The following PCDHGA6 variants were observed in gnomAD, a reference collection of about 807,000 sequenced individuals.
PCDHGA6 encodes the protein protocadherin gamma subfamily A, 6.
A neutral mutation model predicts 60.6 loss-of-function variants in PCDHGA6; 41 were observed. That is an observed-to-expected ratio of 0.68 (90% CI 0.53 to 0.88). The LOEUF (loss-of-function observed/expected upper bound fraction) is 0.88. Among genes scored for constraint, PCDHGA6 ranks in the 40% least tolerant of loss-of-function variants. The pLI, the probability that PCDHGA6 is intolerant of heterozygous loss-of-function variation, is 0.00. For missense variants in PCDHGA6, 1,312 were observed against 1,203.0 expected (o/e 1.09, Z -1.34); for synonymous variants, 594 against 524.4 (o/e 1.13, Z -1.81).
chr5:141,421,634 A>G (rs771759412), intron 1 of PCDHGA6: 12 of 1,613,714 alleles, frequency 7.4e-6, no homozygotes, highest in South Asian at 1.1e-5. Context: ...AGCTTCCAGG[A>G]GGACGAAGTG....
intron 1 of PCDHGA6, chr5:141,378,086 T>G (rs1774615238): frequency 6.6e-6 from 1 of 150,862 alleles, no homozygotes. Context: ...TTTTATAACT[T>G]TTTTTCAAAC....
rs1479003983 is a variant in PCDHGA6, at chr5:141,485,352, C to T, written c.2425-9455C>T. On this transcript the variant is annotated intron_variant, in intron 1 of 3. Coordinates refer to ENST00000517434, the MANE Select transcript of PCDHGA6 (RefSeq NM_018919.3). This position sits in a 1 kb window ranked among gnomAD's most constrained non-coding sequence, Gnocchi z 5.7. ...TTCCTGCTGGATACGGACAGTCTGT[C>T]AGCTCGCAGGCTGCAGGTCGCTGGA... 1 of 1,614,136 alleles carries T rather than the reference C, an allele frequency of 6.2e-7. No homozygotes were observed. The highest frequency in any genetic ancestry group is 8.5e-7 in the Non-Finnish European group (1 of 1,180,012).
intron 1 of PCDHGA6, among the ~76,000 whole-genome samples, chr5:141,381,134 C>T (rs1034042035): frequency 2.0e-5 from 3 of 152,196 alleles, no homozygotes; most frequent in African/African-American, 7.2e-5. Context: ...GGAGCAATGC[C>T]ACCAGAAAGC....
intron 1 of PCDHGA6, among the ~76,000 whole-genome samples, chr5:141,465,300 G>A (rs904996219): frequency 1.3e-5 from 2 of 152,112 alleles, no homozygotes; most frequent in Non-Finnish European, 2.9e-5. Flanking sequence ...TGAGAGTCCT[G>A]GGAATTTAGC....
chr5:141,409,648 G>A, intron 1 of PCDHGA6: 2 of 1,613,692 alleles, frequency 1.2e-6, no homozygotes, highest in East Asian at 4.5e-5. Context: ...CGGATTTGGG[G>A]CTCAATGGCC....
In PCDHGA6 at chr5:141,502,866, CT is replaced by C. The variant is rs549047197; in HGVS notation, c.2484-2513del. Among the ~76,000 whole-genome samples the C allele has an allele frequency of 2.5e-3, 324 of 127,930 alleles. 1 individual carries two copies. Among genetic ancestry groups the C allele is most frequent in the Non-Finnish European group, 3.0e-3 (189 of 62,366 alleles). 83.9% of individuals were successfully genotyped at this position (127,930 alleles called of 152,430 possible). On this transcript the variant is annotated intron_variant, in intron 2 of 3. Transcript: ENST00000517434. ...GAGCTGCCTAACCCTGACTCTCTGT[CT>C]TTTTTTTTTTTTTGACAGGGAGTCT...
chr5:141,433,823 G>T (rs555746621), intron 1 of PCDHGA6, among the ~76,000 whole-genome samples: 2 of 144,288 alleles, frequency 1.4e-5, no homozygotes, highest in Non-Finnish European at 3.0e-5. Context: ...GGCAACAAGA[G>T]TGAAACTCTA....
At chr5:141,451,050 G>A (rs915545429) in intron 1 of PCDHGA6, among the ~76,000 whole-genome samples, 6 of 151,352 alleles carry the variant, frequency 4.0e-5, no homozygotes, top group South Asian at 4.2e-4. Flanking sequence ...GGCTGGTCTC[G>A]AACTCCTGAC....
chr5:141,384,670 G>A, intron 1 of PCDHGA6: 1 of 1,614,220 alleles, frequency 6.2e-7, no homozygotes. Context: ...GGTGACCAAG[G>A]TGGTGGCGGT....
rs1433665161 is a variant in PCDHGA6, at chr5:141,376,336, G to A, written c.2253G>A (p.Gln751=). Residue 751 remains glutamine, a synonymous_variant, in exon 1 of 4, where the codon CAG becomes CAA. Coordinates refer to ENST00000517434, the MANE Select transcript of PCDHGA6 (RefSeq NM_018919.3). ...TGGAAGGGGTTCGGGCTTTCCTGCAGACCTATTCCCACGAGGTCTCACTCA... is the reference window on the plus strand; with the variant it reads ...TGGAAGGGGTTCGGGCTTTCCTGCAAACCTATTCCCACGAGGTCTCACTCA... ...VGVEGVRAFL[Q]TYSHEVSLTA... 2 of 1,614,080 alleles carry A rather than the reference G, an allele frequency of 1.2e-6. No individual in the cohort carries two copies. The highest frequency in any genetic ancestry group is 2.7e-5 in the African/African-American group (2 of 74,930).
At chr5:141,465,775 T>TA (rs2099108994) in intron 1 of PCDHGA6, among the ~76,000 whole-genome samples, 1 of 152,030 alleles carries the variant, frequency 6.6e-6, no homozygotes, top group African/African-American at 2.4e-5. Context: ...CATCTCTTGT[T>TA]ACAGTTTTTT....
intron 1 of PCDHGA6, among the ~76,000 whole-genome samples, chr5:141,457,190 G>A (rs2098913282): frequency 6.6e-6 from 1 of 152,200 alleles, no homozygotes; most frequent in African/African-American, 2.4e-5. Context: ...GTAGAGTGAG[G>A]AAAGCAGTTC....
chr5:141,432,266 T>G lies in PCDHGA6; in HGVS notation c.2424+55759T>G. ...CACCATCCAAGGGGCAAGCCTATCG[T>G]CCTACGTGTCCATCAACTCCGACAC... On this transcript the variant is annotated intron_variant, in intron 1 of 3. Transcript: ENST00000517434. This position sits in a 1 kb window ranked among gnomAD's most constrained non-coding sequence, Gnocchi z 6.0. The G allele has an allele frequency of 6.2e-7, 1 of 1,614,214 alleles. No individual in the cohort carries two copies. Among genetic ancestry groups the G allele is most frequent in the East Asian group, 2.2e-5 (1 of 44,880 alleles).
intron 1 of PCDHGA6, among the ~76,000 whole-genome samples, chr5:141,461,804 C>A (rs559757409): frequency 1.4e-3 from 212 of 152,036 alleles, no homozygotes; most frequent in African/African-American, 5.0e-3. Context: ...CAGGTGCCCA[C>A]CACCACACCC....
chr5:141,410,464 G>A, intron 1 of PCDHGA6: 1 of 1,613,994 alleles, frequency 6.2e-7, no homozygotes, highest in South Asian at 1.1e-5. Context: ...CTTATAATCT[G>A]TGCATTGCAC....
chr5:141,423,117 G>T, intron 1 of PCDHGA6: 1 of 1,613,816 alleles, frequency 6.2e-7, no homozygotes, highest in Non-Finnish European at 8.5e-7. Flanking sequence ...TGCGTACAGC[G>T]CGGGCACTGC....
chr5:141,504,077 G>A (rs939470644), intron 2 of PCDHGA6, among the ~76,000 whole-genome samples: 3 of 152,124 alleles, frequency 2.0e-5, no homozygotes, highest in Non-Finnish European at 2.9e-5. Context: ...GCCAGATGGT[G>A]CCAAACAGTT....
At chr5:141,459,763 G>A (rs1243169814) in intron 1 of PCDHGA6, among the ~76,000 whole-genome samples, 1 of 152,206 alleles carries the variant, frequency 6.6e-6, no homozygotes, top group South Asian at 2.1e-4. Context: ...GTGGGTGTGT[G>A]ATACTATCTC....
In PCDHGA6 at chr5:141,487,694, AC is replaced by A. The variant is rs1296386169; in HGVS notation, c.2425-7112del. On this transcript the variant is annotated intron_variant, in intron 1 of 3. Coordinates refer to ENST00000517434, the MANE Select transcript of PCDHGA6 (RefSeq NM_018919.3). The surrounding 1 kb of genome is among the most constrained non-coding windows in gnomAD (Gnocchi z 5.0). ...ATGGCTAGGCCATGTCCTAGAGAGT[AC>A]TGGCCTCTCAGTAAGTGCCCATAGT... is the stretch of plus-strand genomic sequence containing the variant. The A allele has an allele frequency of 6.2e-7, 1 of 1,602,048 alleles. No individual in the cohort carries two copies. The highest frequency in any genetic ancestry group is 2.2e-5 in the East Asian group (1 of 44,642).
Sources: gnomAD v4.1 joint callset for allele counts (sites outside exome capture counted in the v4.1 genomes callset) on GRCh38, gnomAD v4.1.1 for gene constraint, Gnocchi (gnomAD v3.1) non-coding constraint, MANE v1.5 for transcripts, NCBI Gene and HGNC (gene_info 2026-07-23, HGNC 2026-07-21) for gene names.